The following VDAC3 variants were observed in gnomAD, a reference collection of about 807,000 sequenced individuals.
VDAC3 encodes the protein non-selective voltage-gated ion channel VDAC3.
A neutral mutation model predicts 33.9 loss-of-function variants in VDAC3; 7 were observed. The observed-to-expected ratio is 0.21, with a 90% CI of 0.12 to 0.39. The LOEUF (loss-of-function observed/expected upper bound fraction) is 0.39. Among genes scored for constraint, VDAC3 ranks in the 10% least tolerant of loss-of-function variants. The pLI is 1.00. For missense variants in VDAC3, 261 were observed against 334.5 expected (o/e 0.78, Z 1.71); for synonymous variants, 100 against 122.4 (o/e 0.82, Z 1.21).
At chr8:42,400,664 T>A (rs1802400293) in intron 6 of VDAC3, among the ~76,000 whole-genome samples, 1 of 148,780 alleles carries the variant, frequency 6.7e-6, no homozygotes, top group Non-Finnish European at 1.5e-5. Flanking sequence ...TTAGGACAAA[T>A]ATTCTTTTCT....
chr8:42,404,722 CAAAAA>C (rs878902511), intron 8 of VDAC3, 140 bp from the exon 9 acceptor site: 113 of 354,566 alleles, frequency 3.2e-4, no homozygotes, highest in South Asian at 6.4e-4. Context: ...AACTTCATCT[CAAAAA>C]AAAAAAAAAA....
At chr8:42,401,353 C>T (rs760171569) in intron 6 of VDAC3, among the ~76,000 whole-genome samples, 4 of 152,158 alleles carry the variant, frequency 2.6e-5, no homozygotes, top group Non-Finnish European at 4.4e-5. Context: ...TGTGCCACCA[C>T]GCCCAGCTAA....
At position 42,401,431 on chromosome 8, in the gene VDAC3, G is replaced by A. The variant is rs187059419; in HGVS notation, c.324-357G>A. ...AGGATGGTCTCAATCTCCTGGCCTC[G>A]TCATCCGCCCACCTTGGCCTCCCAA... On this transcript the variant is annotated intron_variant, in intron 6 of 9. Transcript: ENST00000022615. Among the ~76,000 whole-genome samples, 113 of 152,270 alleles carry A rather than the reference G, an allele frequency of 7.4e-4. 1 individual carries two copies. In the East Asian group the frequency reaches 0.016, roughly 22 times the overall value.
At position 42,398,829 on chromosome 8, in the gene VDAC3, A is replaced by AAT; in HGVS notation, c.237_238dup (p.Thr80IlefsTer3). The stretch of plus-strand genomic sequence containing the variant: ...CTTCACCCAGAAATGGAACACAGAC[A>AAT]ATACTCTAGGGACAGAAATCTCTTG... On this transcript the variant is annotated frameshift_variant, in exon 5 of 10. Coordinates refer to ENST00000022615, the MANE Select transcript of VDAC3 (RefSeq NM_005662.7). LOFTEE classifies it high-confidence loss of function. 1.2e-6 allele frequency: 2 copies of AAT among 1,614,060 alleles called. No individual in the cohort carries two copies. Among genetic ancestry groups the AAT allele is most frequent in the Non-Finnish European group, 1.7e-6 (2 of 1,180,000 alleles).
chr8:42,401,954 C>G lies in VDAC3; in HGVS notation c.490C>G (p.Leu164Val), dbSNP rs534134951. The G allele has an allele frequency of 6.2e-7, 1 of 1,614,248 alleles. No individual in the cohort carries two copies. Among genetic ancestry groups the G allele is most frequent in the East Asian group, 2.2e-5 (1 of 44,892 alleles). ...GAGTTTTGACACAGCCAAATCCAAA[C>G]TGTCACAGAATAATTTCGCCCTGGG... ...QMSFDTAKSKLSQNNFALGYK... is the reference protein window; with the variant it reads ...QMSFDTAKSKVSQNNFALGYK... Residue 164 changes from leucine (L) to valine (V), a missense_variant, in exon 7 of 10, where the codon CTG becomes GTG. By Grantham distance (32) the Leu-to-Val change is conservative (BLOSUM62 1). Coordinates refer to ENST00000022615, the MANE Select transcript of VDAC3 (RefSeq NM_005662.7).
chr8:42,405,657 G>T lies in VDAC3; in HGVS notation c.*195G>T. 1.9e-6 allele frequency: 1 copy of T among 533,582 alleles called. No homozygotes were observed. Among genetic ancestry groups the T allele is most frequent in the Non-Finnish European group, 3.4e-6 (1 of 297,594 alleles). The allele number at this position is 533,582 out of a possible 1,614,324, so 33.1% of individuals were successfully genotyped here. ...AGGGAGATGCTTGAAGGCATGCCTG[G>T]AAGTTGTCATGTTTGTGCCACGTTT... On this transcript the variant is annotated 3_prime_UTR_variant, in exon 10 of 10. Transcript: ENST00000022615.
At chr8:42,402,120 G>A in intron 7 of VDAC3, 105 bp downstream of exon 7, 1 of 1,213,664 alleles carries the variant, frequency 8.2e-7, no homozygotes, top group Non-Finnish European at 1.2e-6. Context: ...ATGCCTTGGT[G>A]AATATCCATC....
chr8:42,401,841 G>T lies in VDAC3; in HGVS notation c.377G>T (p.Gly126Val), dbSNP rs1395000316. The T allele has an allele frequency of 3.1e-6, 5 of 1,614,076 alleles. No individual in the cohort carries two copies. Among genetic ancestry groups the T allele is most frequent in the Non-Finnish European group, 4.2e-6 (5 of 1,180,042 alleles). ...TATAAACGGGATTGTTTTAGTGTTG[G>T]CAGTAATGTTGATATAGATTTTTCT... ...ASYKRDCFSVGSNVDIDFSGP... is the reference protein window; with the variant it reads ...ASYKRDCFSVVSNVDIDFSGP... The change falls in exon 7 of 10, where the codon GGC (glycine) becomes GTC (valine). Residue 126 changes from glycine to valine, a missense_variant. Physicochemically the swap from Gly to Val is moderately radical, Grantham distance 109. Coordinates refer to ENST00000022615, the MANE Select transcript of VDAC3 (RefSeq NM_005662.7).
intron 4 of VDAC3, among the ~76,000 whole-genome samples, chr8:42,398,097 A>G (rs933719934): frequency 2.6e-5 from 4 of 152,236 alleles, no homozygotes; most frequent in African/African-American, 9.6e-5. Flanking sequence ...TTTTTAGGTC[A>G]TGAAAGTAAA....
At chr8:42,396,357 T>C (rs1802318078) in intron 4 of VDAC3, among the ~76,000 whole-genome samples, 1 of 152,236 alleles carries the variant, frequency 6.6e-6, no homozygotes, top group African/African-American at 2.4e-5. Context: ...TCGTTTTTGG[T>C]ATTTATCCAT....
intron 9 of VDAC3, 86 bp downstream of exon 9, chr8:42,405,010 C>G (rs2130892695): frequency 8.1e-7 from 1 of 1,237,770 alleles, no homozygotes; most frequent in East Asian, 2.4e-5. Flanking sequence ...AACCTGTAGT[C>G]ACTGTAAGTT....
At chr8:42,396,269 A>T (rs568117168) in intron 4 of VDAC3, among the ~76,000 whole-genome samples, 1 of 152,256 alleles carries the variant, frequency 6.6e-6, no homozygotes, top group African/African-American at 2.4e-5. Context: ...CTCAGAAAAA[A>T]TTGCTTTTAT....
In VDAC3 at chr8:42,403,391, C is replaced by T; in HGVS notation, c.632C>T (p.Thr211Ile). The change falls in exon 8 of 10, where the codon ACA (threonine) becomes ATA (isoleucine). Residue 211 changes from threonine (T) to isoleucine (I), a missense_variant. Transcript: ENST00000022615. Reference sequence around the variant, plus strand: ...GAAACATCCATAAACCTTGCTTGGACAGCTGGGAGTAACAACACCCGTTTT... The same window carrying T: ...GAAACATCCATAAACCTTGCTTGGATAGCTGGGAGTAACAACACCCGTTTT... ...KIETSINLAW[T>I]AGSNNTRFGI... 1.9e-6 allele frequency: 3 copies of T among 1,612,614 alleles called. No homozygotes were observed. Among genetic ancestry groups the T allele is most frequent in the Non-Finnish European group, 2.5e-6 (3 of 1,179,602 alleles).
intron 2 of VDAC3, 54 bp downstream of exon 2, chr8:42,393,938 C>G (rs994773215): frequency 4.4e-6 from 2 of 456,452 alleles, no homozygotes; most frequent in African/African-American, 4.0e-5. Context: ...GCATCTTTTT[C>G]ATCCTGTAAG....
intron 4 of VDAC3, among the ~76,000 whole-genome samples, chr8:42,396,068 TA>T (rs1802307193): frequency 6.6e-6 from 1 of 151,526 alleles, no homozygotes; most frequent in African/African-American, 2.4e-5. Context: ...CCATCCTGGC[TA>T]ATATGGTGAA....
intron 6 of VDAC3, 38 bp from the exon 7 acceptor site, chr8:42,401,750 G>T (rs1328148315): frequency 3.8e-6 from 6 of 1,597,722 alleles, no homozygotes; most frequent in Non-Finnish European, 5.1e-6. Context: ...AACTCATGTT[G>T]TTTTCATCAT....
chr8:42,402,039 TAGTATC>T (rs750512219), intron 7 of VDAC3, 24 bp downstream of exon 7: 38 of 1,609,278 alleles, frequency 2.4e-5, no homozygotes, highest in South Asian at 1.9e-4. Flanking sequence ...ATTTATTCCT[TAGTATC>T]AGTGCAGTTG....
intron 7 of VDAC3, among the ~76,000 whole-genome samples, chr8:42,402,371 G>A (rs1802430645): frequency 1.3e-5 from 2 of 152,312 alleles, no homozygotes; most frequent in Admixed American, 1.3e-4. Context: ...GTATCTGGAA[G>A]CAGGTCTGTT....
At position 42,398,941 on chromosome 8, in the gene VDAC3, A is replaced by C. The variant is rs974726056; in HGVS notation, c.270+77A>C. The C allele has an allele frequency of 4.6e-6, 7 of 1,513,760 alleles. No individual in the cohort carries two copies. The South Asian group carries it at 7.4e-5, about 16-fold the overall frequency. The allele number at this position is 1,513,760 out of a possible 1,614,324, so 93.8% of individuals were successfully genotyped here. A position where few individuals can be genotyped will look rare whatever the true frequency, so the allele number is the denominator to read the frequency against. On this transcript the variant is annotated intron_variant, in intron 5 of 9. Coordinates refer to ENST00000022615, the MANE Select transcript of VDAC3 (RefSeq NM_005662.7). ...GAATGATGAACATACCCCAAATATA[A>C]TCAAAAGAGATCTTACAACCTATCT...
Sources: allele counts gnomAD v4.1 joint callset (sites outside exome capture counted in the v4.1 genomes callset), GRCh38; gene constraint gnomAD v4.1.1; transcripts MANE v1.5; gene names NCBI Gene and HGNC (gene_info 2026-07-23, HGNC 2026-07-21).